The following KSR2 variants were observed in gnomAD, a reference collection of about 807,000 sequenced individuals.
The protein encoded by KSR2 is kinase suppressor of ras 2.
KSR2 carries 25 observed loss-of-function variants against 107.8 expected under a neutral mutation model. That is an observed-to-expected ratio of 0.23 (90% CI 0.17 to 0.32). KSR2 has a LOEUF of 0.32. Among genes scored for constraint, KSR2 ranks in the 10% least tolerant of loss-of-function variants. The pLI, the probability that KSR2 is intolerant of heterozygous loss-of-function variation, is 1.00. For missense variants in KSR2, 887 were observed against 1,268.9 expected, an observed-to-expected ratio of 0.70 and a Z score of 4.57; for synonymous variants, 480 against 507.0, an observed-to-expected ratio of 0.95 and a Z score of 0.71.
Position 117,798,720 on chromosome 12 carries a change from A to ATATAC in KSR2, c.473-37197_473-37196insGTATA, listed in dbSNP as rs1555242304. Among the ~76,000 whole-genome samples, 1,098 of 120,206 alleles carry ATATAC rather than the reference A, an allele frequency of 9.1e-3. 17 individuals are homozygous for ATATAC. The highest frequency in any genetic ancestry group is 0.027 in the African/African-American group (870 of 31,840). 78.9% of individuals were successfully genotyped at this position (120,206 alleles called of 152,430 possible). ...GTAGGCAAAAAGTCCAAAAAAAAAA[A>ATATAC]ATATATATATATATATCAACCCAAA... is the stretch of plus-strand genomic sequence containing the variant. On this transcript the variant is annotated intron_variant, in intron 3 of 19. Transcript: ENST00000339824.
intron 14 of KSR2, among the ~76,000 whole-genome samples, chr12:117,494,101 T>A (rs987114297): frequency 6.6e-6 from 1 of 152,178 alleles, no homozygotes. Flanking sequence ...CACGAATGAA[T>A]GAATGGATGC....
At chr12:117,679,838 C>T (rs758208935) in intron 4 of KSR2, among the ~76,000 whole-genome samples, 2 of 152,132 alleles carry the variant, frequency 1.3e-5, no homozygotes, top group Admixed American at 6.5e-5. Context: ...AACCAATGGC[C>T]AAATCCAGCC....
At chr12:117,744,463 C>T (rs1888330105) in intron 4 of KSR2, among the ~76,000 whole-genome samples, 1 of 152,060 alleles carries the variant, frequency 6.6e-6, no homozygotes, top group Non-Finnish European at 1.5e-5. Context: ...CTTTTCTTCC[C>T]CAAGAAAGGA....
intron 1 of KSR2, among the ~76,000 whole-genome samples, chr12:117,868,998 C>T (rs1893567783): frequency 6.6e-6 from 1 of 152,036 alleles, no homozygotes; most frequent in African/African-American, 2.4e-5. Context: ...GGTGGTCCTC[C>T]CACCTCGGCC....
chr12:117,740,463 T>TTA (rs200840023), intron 4 of KSR2, among the ~76,000 whole-genome samples: 7,436 of 82,338 alleles, frequency 0.09, 277 homozygotes, highest in Admixed American at 0.17. Flanking sequence ...AGTACATATA[T>TTA]TATATGTAAT....
intron 4 of KSR2, among the ~76,000 whole-genome samples, chr12:117,710,921 T>C (rs1234339490): frequency 6.6e-6 from 1 of 152,176 alleles, no homozygotes; most frequent in Non-Finnish European, 1.5e-5. Flanking sequence ...TGCCGTTCCC[T>C]CTGTCTGGAA....
Position 117,580,949 on chromosome 12 carries a change from G to A in KSR2, c.1241+1341C>T, listed in dbSNP as rs371156990. Reference sequence around the variant, plus strand: ...GGGGCAGGGCCAGTCCAGGGGGCACGGTTGATCAAGGGGCGTGGCCAAACC... The same window carrying A: ...GGGGCAGGGCCAGTCCAGGGGGCACAGTTGATCAAGGGGCGTGGCCAAACC... On this transcript the variant is annotated intron_variant, in intron 6 of 19. Coordinates refer to ENST00000339824, the MANE Select transcript of KSR2 (RefSeq NM_173598.6). Among the ~76,000 whole-genome samples the A allele has an allele frequency of 7.9e-5, 12 of 152,238 alleles. No individual in the cohort carries two copies. The East Asian group carries it at 9.7e-4, about 12-fold the overall frequency.
chr12:117,911,174 T>TCACACACA (rs374154062), intron 1 of KSR2, among the ~76,000 whole-genome samples: 37 of 149,046 alleles, frequency 2.5e-4, no homozygotes, highest in South Asian at 8.6e-4. Flanking sequence ...TCTCTCTCTC[T>TCACACACA]CACACACACA....
At chr12:117,763,894 G>T (rs1250188530) in intron 3 of KSR2, among the ~76,000 whole-genome samples, 1 of 152,140 alleles carries the variant, frequency 6.6e-6, no homozygotes, top group Non-Finnish European at 1.5e-5. Context: ...AATGAAGGAA[G>T]ACCCACCAGA....
chr12:117,583,580 G>T (rs1879823637), intron 5 of KSR2, among the ~76,000 whole-genome samples: 1 of 152,126 alleles, frequency 6.6e-6, no homozygotes, highest in South Asian at 2.1e-4. Context: ...GTCCCCATCT[G>T]GTCTCTTCTT....
chr12:117,760,978 G>C, intron 4 of KSR2, 33 bp downstream of exon 4: 3 of 1,611,078 alleles, frequency 1.9e-6, no homozygotes, highest in Non-Finnish European at 2.5e-6. Flanking sequence ...GCCGGGTTTC[G>C]ACCGCCCCAG....
At chr12:117,811,403 A>G (rs909796615) in intron 3 of KSR2, among the ~76,000 whole-genome samples, 1 of 152,216 alleles carries the variant, frequency 6.6e-6, no homozygotes, top group African/African-American at 2.4e-5. Flanking sequence ...GTCCAGCAGC[A>G]TCGGCAACAC....
At chr12:117,701,588 G>C (rs1593146710) in intron 4 of KSR2, among the ~76,000 whole-genome samples, 1 of 152,156 alleles carries the variant, frequency 6.6e-6, no homozygotes. Context: ...GGCAAAAGGG[G>C]GGTCCTTATA....
rs980284615 is a variant in KSR2 at position 117,557,929 on chromosome 12, T to C, written c.1393+577A>G. ...GCAGCCAGGAAAAAGCCTTTCCTTCTGTCTTTCCTTCCAGCCAGATTCGTC... is the reference window on the plus strand; with the variant it reads ...GCAGCCAGGAAAAAGCCTTTCCTTCCGTCTTTCCTTCCAGCCAGATTCGTC... On this transcript the variant is annotated intron_variant, in intron 8 of 19. Transcript: ENST00000339824. Among the ~76,000 whole-genome samples the C allele has an allele frequency of 2.6e-5, 4 of 152,328 alleles. No individual in the cohort carries two copies. The South Asian group carries it at 8.3e-4, about 32-fold the overall frequency.
intron 3 of KSR2, among the ~76,000 whole-genome samples, chr12:117,771,554 G>A (rs1475029999): frequency 6.6e-6 from 1 of 152,148 alleles, no homozygotes; most frequent in African/African-American, 2.4e-5. Context: ...GATTTTCAGG[G>A]TTCACAACAT....
At chr12:117,584,838 C>T (rs554434083) in intron 5 of KSR2, among the ~76,000 whole-genome samples, 40 of 152,284 alleles carry the variant, frequency 2.6e-4, no homozygotes, top group South Asian at 1.0e-3. Flanking sequence ...TCATTATTCC[C>T]GTTGTGCAAA....
At chr12:117,598,969 TAAAC>T (rs1880794410) in intron 5 of KSR2, among the ~76,000 whole-genome samples, 1 of 151,848 alleles carries the variant, frequency 6.6e-6, no homozygotes, top group South Asian at 2.1e-4. Context: ...TTCCTGGAAA[TAAAC>T]AATTTAATCT....
intron 5 of KSR2, among the ~76,000 whole-genome samples, chr12:117,605,585 C>A (rs1223640594): frequency 6.6e-6 from 1 of 152,096 alleles, no homozygotes; most frequent in African/African-American, 2.4e-5. Flanking sequence ...TGTGTTGTTC[C>A]CCTTCCTGTG....
Position 117,673,536 on chromosome 12 carries a change from A to C in KSR2, c.987-5878T>G, listed in dbSNP as rs556089622. Among the ~76,000 whole-genome samples, 83 of 152,260 alleles carry C rather than the reference A, an allele frequency of 5.5e-4. 2 individuals are homozygous for C. In the South Asian group the frequency reaches 0.015, roughly 28 times the overall value. ...AAAGAAGGGCAGAAGAGAGAATGGG[A>C]GTAAAAGAAAACGAGAGAATACATG... On this transcript the variant is annotated intron_variant, in intron 4 of 19. Coordinates refer to ENST00000339824, the MANE Select transcript of KSR2 (RefSeq NM_173598.6).
Sources: gnomAD v4.1 joint callset for allele counts (sites outside exome capture counted in the v4.1 genomes callset) on GRCh38, gnomAD v4.1.1 for gene constraint, MANE v1.5 for transcripts, NCBI Gene and HGNC (gene_info 2026-07-23, HGNC 2026-07-21) for gene names.